Variants in TMEM135 observed in about 807,000 individuals in gnomAD.
The protein encoded by TMEM135 is transmembrane protein 135, also known as peroxisomal membrane protein 52.
Under a neutral mutation model 60.3 loss-of-function variants are expected in TMEM135, and 30 were observed. The ratio of observed to expected loss-of-function variants is 0.50; its 90% confidence interval spans 0.37 to 0.68. TMEM135 has a LOEUF of 0.68. Ranked by LOEUF, TMEM135 falls within the 30% of genes least tolerant of loss-of-function variation. The probability of loss-of-function intolerance (pLI) is 0.00; values close to 1 mark genes in which losing one functional copy is unlikely to be tolerated. For synonymous variants in TMEM135, 190 were observed against 186.7 expected (o/e 1.02, Z -0.14); for missense variants, 468 against 548.8 (o/e 0.85, Z 1.47).
intron 4 of TMEM135, among the ~76,000 whole-genome samples, chr11:87,137,625 TA>T (rs1378205378): frequency 1.3e-5 from 2 of 152,168 alleles, no homozygotes; most frequent in African/African-American, 4.8e-5. Flanking sequence ...AGAGGGACAC[TA>T]TCTTGTTTTG....
At chr11:87,161,400 A>G (rs1013313089) in intron 5 of TMEM135, among the ~76,000 whole-genome samples, 3 of 152,170 alleles carry the variant, frequency 2.0e-5, no homozygotes, top group Non-Finnish European at 4.4e-5. Flanking sequence ...TGAAACAAGT[A>G]CTTTGTTAGA....
rs926718001 is a variant in TMEM135, at chr11:87,324,098, G to A, written c.*2765G>A. 2.2e-6 allele frequency: 1 copy of A among 453,972 alleles called. No homozygotes were observed. Among genetic ancestry groups the A allele is most frequent in the Admixed American group, 2.3e-5 (1 of 42,554 alleles). The allele number at this position is 453,972 out of a possible 1,614,324, so 28.1% of individuals were successfully genotyped here. A position where few individuals can be genotyped will look rare whatever the true frequency, so the allele number is the denominator to read the frequency against. ...AGCAAATGTCACACAGTATTTTCTTGTTGTGCTCGAGTGTTCGTCTCCTTG... is the reference window on the plus strand; with the variant it reads ...AGCAAATGTCACACAGTATTTTCTTATTGTGCTCGAGTGTTCGTCTCCTTG... On this transcript the variant is annotated 3_prime_UTR_variant, in exon 15 of 15. Coordinates refer to ENST00000305494, the MANE Select transcript of TMEM135 (RefSeq NM_022918.4).
At chr11:87,115,764 G>C (rs1354708683) in intron 4 of TMEM135, among the ~76,000 whole-genome samples, 1 of 151,888 alleles carries the variant, frequency 6.6e-6, no homozygotes, top group Non-Finnish European at 1.5e-5. Context: ...TATACACATA[G>C]CATTTTGGGT....
rs562094864 is a variant in TMEM135 at position 87,102,135 on chromosome 11, G to T, written c.396+10740G>T. Among the ~76,000 whole-genome samples, 6 of 152,280 alleles carry T rather than the reference G, an allele frequency of 3.9e-5. No homozygotes were observed. In the East Asian group the frequency reaches 1.2e-3, roughly 29 times the overall value. On this transcript the variant is annotated intron_variant, in intron 4 of 14. Coordinates refer to ENST00000305494, the MANE Select transcript of TMEM135 (RefSeq NM_022918.4). ...ATTTAATTCTAATACTGTCTACCTGGAGATAGCATCAGATTCCACTGGTTG... is the reference window on the plus strand; with the variant it reads ...ATTTAATTCTAATACTGTCTACCTGTAGATAGCATCAGATTCCACTGGTTG...
At chr11:87,209,403 A>G (rs1329505321) in intron 5 of TMEM135, among the ~76,000 whole-genome samples, 2 of 152,156 alleles carry the variant, frequency 1.3e-5, no homozygotes, top group African/African-American at 4.8e-5. Flanking sequence ...CTATTCTTAT[A>G]TCAGAAAAAA....
At chr11:87,292,020 A>G (rs562835894) in intron 6 of TMEM135, among the ~76,000 whole-genome samples, 33 of 152,294 alleles carry the variant, frequency 2.2e-4, no homozygotes, top group Non-Finnish European at 4.4e-4. Context: ...CTCCAGCTAC[A>G]GTAATCTACT....
chr11:87,087,573 C>G (rs2135163554), intron 3 of TMEM135, among the ~76,000 whole-genome samples: 1 of 152,298 alleles, frequency 6.6e-6, no homozygotes, highest in South Asian at 2.1e-4. Flanking sequence ...CTCCAGTCCT[C>G]ATTTTGTTAC....
intron 4 of TMEM135, among the ~76,000 whole-genome samples, chr11:87,101,865 C>T (rs957683987): frequency 5.9e-4 from 90 of 152,074 alleles, no homozygotes; most frequent in African/African-American, 2.0e-3. Context: ...CCCAGCTACT[C>T]GGGAGACTGA....
intron 10 of TMEM135, among the ~76,000 whole-genome samples, chr11:87,312,302 C>T (rs1299809112): frequency 1.3e-5 from 2 of 151,438 alleles, no homozygotes; most frequent in African/African-American, 2.4e-5. Context: ...TTATAATATA[C>T]ATTTTTAATG....
At chr11:87,259,788 G>T (rs766145197) in intron 6 of TMEM135, among the ~76,000 whole-genome samples, 1 of 152,184 alleles carries the variant, frequency 6.6e-6, no homozygotes, top group African/African-American at 2.4e-5. Flanking sequence ...TAATAGAAAT[G>T]GGAGAAGCTT....
At chr11:87,319,259 T>G (rs1942783429) in intron 13 of TMEM135, 51 bp from the exon 14 acceptor site, 2 of 1,429,880 alleles carry the variant, frequency 1.4e-6, no homozygotes, top group Non-Finnish European at 2.0e-6. Context: ...ATTTCATCAC[T>G]TTCAGTTTTC....
intron 5 of TMEM135, among the ~76,000 whole-genome samples, chr11:87,171,947 G>A (rs1220102397): frequency 3.3e-5 from 5 of 152,160 alleles, no homozygotes; most frequent in Non-Finnish European, 5.9e-5. Context: ...CCAAGCTCAG[G>A]CAGTAATGCT....
chr11:87,307,340 C>G (rs1942566611), intron 9 of TMEM135, among the ~76,000 whole-genome samples: 1 of 149,678 alleles, frequency 6.7e-6, no homozygotes, highest in African/African-American at 2.5e-5. Flanking sequence ...CTTTCTGACA[C>G]TCTTTCCAAA....
At chr11:87,184,417 A>G (rs750969691) in intron 5 of TMEM135, among the ~76,000 whole-genome samples, 18 of 152,212 alleles carry the variant, frequency 1.2e-4, no homozygotes, top group Non-Finnish European at 1.9e-4. Context: ...AATTTAGACT[A>G]AGAAAATGGC....
chr11:87,076,694 C>T (rs1356031948), intron 3 of TMEM135, among the ~76,000 whole-genome samples: 2 of 152,182 alleles, frequency 1.3e-5, no homozygotes, highest in Admixed American at 6.5e-5. Context: ...ACGGCATACT[C>T]CTTGGGTATC....
At chr11:87,213,603 T>C (rs568803572) in intron 5 of TMEM135, among the ~76,000 whole-genome samples, 1 of 152,316 alleles carries the variant, frequency 6.6e-6, no homozygotes, top group Admixed American at 6.5e-5. Flanking sequence ...TTCTGTTTTG[T>C]TCTTCCATAT....
Position 87,302,395 on chromosome 11 carries a change from C to T in TMEM135, c.651C>T (p.Pro217=), listed in dbSNP as rs761199433. 6.8e-6 allele frequency: 11 copies of T among 1,613,706 alleles called. No homozygotes were observed. Among genetic ancestry groups the T allele is most frequent in the South Asian group, 5.5e-5 (5 of 91,080 alleles). The part of the protein sequence containing the change: ...EQKREQHEEK[P]GRMNMIGLVR... ...AGAGAGAGCAACATGAGGAAAAACC[C>T]GGAAGAATGAATATGATTGGTCTAG... is the stretch of plus-strand genomic sequence containing the variant. Residue 217 remains proline, a synonymous_variant, in exon 8 of 15, where the codon CCC becomes CCT. Transcript: ENST00000305494.
chr11:87,046,065 T>G (rs1338931627), intron 1 of TMEM135, among the ~76,000 whole-genome samples: 1 of 152,146 alleles, frequency 6.6e-6, no homozygotes, highest in Non-Finnish European at 1.5e-5. Flanking sequence ...TGCCATAAGG[T>G]ACAGATAAAA....
chr11:87,160,195 GTTCTGGCTTTAATGCTGTATTTTGTGTAC>G (rs1302949579), intron 5 of TMEM135, among the ~76,000 whole-genome samples: 1 of 152,158 alleles, frequency 6.6e-6, no homozygotes, highest in Non-Finnish European at 1.5e-5. Context: ...CCTCCTCCCT[GTTCTGGCTTTAATGCTGTATTTTGTGTAC>G]TTACTGGACA....
Sources: allele counts gnomAD v4.1 joint callset (sites outside exome capture counted in the v4.1 genomes callset), GRCh38; gene constraint gnomAD v4.1.1; transcripts MANE v1.5; gene names NCBI Gene and HGNC (gene_info 2026-07-23, HGNC 2026-07-21).